PHTF2: variants seen among roughly 807,000 people sequenced by gnomAD.
PHTF2 encodes the protein putative homeodomain transcription factor 2.
A neutral mutation model predicts 101.2 loss-of-function variants in PHTF2; 60 were observed. That is an observed-to-expected ratio of 0.59 (90% confidence interval 0.48 to 0.73). PHTF2 has a LOEUF of 0.73. Among genes scored for constraint, PHTF2 ranks in the 30% least tolerant of loss-of-function variants. The pLI, the probability that PHTF2 is intolerant of heterozygous loss-of-function variation, is 0.00. For synonymous variants in PHTF2, 311 were observed against 307.3 expected (o/e 1.01, Z -0.13); for missense variants, 747 against 908.7 (o/e 0.82, Z 2.29).
chr7:77,804,465 A>G (rs1376495304), intron 1 of PHTF2, among the ~76,000 whole-genome samples: 1 of 152,180 alleles, frequency 6.6e-6, no homozygotes, highest in African/African-American at 2.4e-5. Flanking sequence ...AGCTGGGATT[A>G]CAGGTGCCTG....
intron 1 of PHTF2, among the ~76,000 whole-genome samples, chr7:77,816,054 T>C (rs1305450211): frequency 6.6e-6 from 1 of 152,178 alleles, no homozygotes; most frequent in Admixed American, 6.6e-5. Flanking sequence ...AATTTGGTTA[T>C]TCTTTTTATA....
chr7:77,866,886 T>C (rs754182380), intron 3 of PHTF2, among the ~76,000 whole-genome samples: 25 of 152,330 alleles, frequency 1.6e-4, no homozygotes, highest in Non-Finnish European at 1.5e-5. Flanking sequence ...TTTAGAATGA[T>C]AAACCAGAGT....
chr7:77,953,554 G>A (rs1806734663), intron 18 of PHTF2, among the ~76,000 whole-genome samples: 1 of 152,164 alleles, frequency 6.6e-6, no homozygotes, highest in Non-Finnish European at 1.5e-5. Flanking sequence ...TTTAGTCACA[G>A]AGTTCTTTTA....
exon 16 of PHTF2, chr7:77,942,746 T>C: frequency 6.2e-7 from 1 of 1,601,982 alleles, no homozygotes; most frequent in East Asian, 2.2e-5. Flanking sequence ...TCATCTGCTT[T>C]CTTATTGACT....
At chr7:77,856,114 A>G (rs1373722548) in intron 3 of PHTF2, among the ~76,000 whole-genome samples, 1 of 152,116 alleles carries the variant, frequency 6.6e-6, no homozygotes, top group Non-Finnish European at 1.5e-5. Flanking sequence ...GTGATGTTGC[A>G]CACCTATAGT....
At chr7:77,899,422 G>A (rs898293696) in intron 5 of PHTF2, among the ~76,000 whole-genome samples, 7 of 151,854 alleles carry the variant, frequency 4.6e-5, no homozygotes, top group African/African-American at 1.5e-4. Flanking sequence ...TGATTTGGGG[G>A]TACAAAGAAA....
chr7:77,875,898 C>A (rs1253096149), intron 3 of PHTF2, among the ~76,000 whole-genome samples: 4 of 152,196 alleles, frequency 2.6e-5, no homozygotes, highest in Admixed American at 1.3e-4. Context: ...GTGTGCCACA[C>A]AATGTCTGAA....
At chr7:77,869,061 G>T (rs997038463) in intron 3 of PHTF2, among the ~76,000 whole-genome samples, 1 of 152,124 alleles carries the variant, frequency 6.6e-6, no homozygotes, top group Non-Finnish European at 1.5e-5. Context: ...CTGTCTTTCA[G>T]TCTGGTTCTG....
chr7:77,820,261 G>T (rs1178318695), intron 1 of PHTF2, among the ~76,000 whole-genome samples: 3 of 152,094 alleles, frequency 2.0e-5, no homozygotes, highest in Admixed American at 1.3e-4. Context: ...TTTCTTCCTG[G>T]TTCAATCTTG....
chr7:77,840,887 C>G (rs1795812717), intron 2 of PHTF2, among the ~76,000 whole-genome samples: 2 of 151,864 alleles, frequency 1.3e-5, no homozygotes, highest in African/African-American at 4.8e-5. Flanking sequence ...ACTGTTTGCT[C>G]CTAATGAGTG....
At chr7:77,922,732 T>A in exon 11 of PHTF2, 18 of 1,607,692 alleles carry the variant, frequency 1.1e-5, no homozygotes, top group Non-Finnish European at 1.5e-5. Flanking sequence ...GAAGGTGTTC[T>A]TCGGAATAGA....
intron 2 of PHTF2, among the ~76,000 whole-genome samples, chr7:77,840,818 T>C (rs1287499957): frequency 1.3e-5 from 2 of 152,112 alleles, no homozygotes; most frequent in Non-Finnish European, 2.9e-5. Context: ...GCTTTACCAA[T>C]GTAATGTTTT....
rs779390906 is a variant in PHTF2 at position 77,922,996 on chromosome 7, T to G, written c.1119+218T>G. 1.9e-4 allele frequency: 233 copies of G among 1,245,970 alleles called. No homozygotes were observed. The highest frequency in any genetic ancestry group is 2.2e-4 in the Non-Finnish European group (223 of 992,286). The allele number at this position is 1,245,970 out of a possible 1,614,324, so 77.2% of individuals were successfully genotyped here. ...CACACATTTGAGCTCATTTTATGCA[T>G]TATCTTTGAAGACTCATACATTGTT... On this transcript the variant is annotated intron_variant, in intron 11 of 19. Transcript: ENST00000416283.
intron 9 of PHTF2, among the ~76,000 whole-genome samples, chr7:77,915,060 C>A (rs1584696251): frequency 7.2e-6 from 1 of 138,404 alleles, no homozygotes; most frequent in Admixed American, 7.3e-5. Flanking sequence ...TACAGGCACG[C>A]ACCACCATGC....
At chr7:77,867,892 G>A (rs1798196170) in intron 3 of PHTF2, among the ~76,000 whole-genome samples, 1 of 152,128 alleles carries the variant, frequency 6.6e-6, no homozygotes, top group African/African-American at 2.4e-5. Context: ...GTAGATTGAT[G>A]AATCCCTGTT....
intron 3 of PHTF2, among the ~76,000 whole-genome samples, chr7:77,886,696 G>A (rs1025273169): frequency 1.3e-5 from 2 of 152,072 alleles, no homozygotes; most frequent in African/African-American, 4.8e-5. Context: ...ACCTGGGTTC[G>A]AATCCTGGTT....
intron 12 of PHTF2, among the ~76,000 whole-genome samples, chr7:77,936,652 T>A (rs1805159144): frequency 6.6e-6 from 1 of 150,618 alleles, no homozygotes; most frequent in Non-Finnish European, 1.5e-5. Flanking sequence ...CCAGCCTGAG[T>A]AACAGAGCAA....
rs1795766643 is a variant in PHTF2, at chr7:77,840,260, C to T, written c.5C>T (p.Ala2Val). The change falls in exon 2 of 20, where the codon GCG becomes GTG. Residue 2 changes from alanine (A) to valine (V), a missense_variant. Ala to Val is a moderately conservative substitution (Grantham distance 64). This residue lies in a region of PHTF2 where 96 missense variants were observed against 91.3 expected (regional missense o/e 1.05). Transcript: ENST00000416283. ...TGTGTGATTTCAGTGGAATAAATGGCGTCCAAAGTCACAGATGCTATAGTC... is the reference window on the plus strand; with the variant it reads ...TGTGTGATTTCAGTGGAATAAATGGTGTCCAAAGTCACAGATGCTATAGTC... 10 of 1,606,476 alleles carry T rather than the reference C, an allele frequency of 6.2e-6. No individual in the cohort carries two copies. Among genetic ancestry groups the T allele is most frequent in the Non-Finnish European group, 8.5e-6 (10 of 1,173,502 alleles).
At chr7:77,932,431 A>G (rs1562961889) in intron 12 of PHTF2, among the ~76,000 whole-genome samples, 1 of 152,108 alleles carries the variant, frequency 6.6e-6, no homozygotes, top group Non-Finnish European at 1.5e-5. Flanking sequence ...TTATTGCCTG[A>G]TGATCTTTTT....
Sources: allele counts gnomAD v4.1 joint callset (sites outside exome capture counted in the v4.1 genomes callset), GRCh38; gene constraint gnomAD v4.1.1; regional missense constraint gnomAD v4.1.1; transcripts MANE v1.5; gene names NCBI Gene and HGNC (gene_info 2026-07-23, HGNC 2026-07-21).